Variants in ZNF664 observed in about 807,000 individuals in gnomAD.
ZNF664 encodes the protein zinc finger Organ of Corti 1.
Under a neutral mutation model 18.2 loss-of-function variants are expected in ZNF664, and 10 were observed. The ratio of observed to expected loss-of-function variants is 0.55; its 90% CI spans 0.34 to 0.93. The LOEUF is 0.93. Among genes scored for constraint, ZNF664 ranks in the 40% least tolerant of loss-of-function variants. The pLI, the probability that ZNF664 is intolerant of heterozygous loss-of-function variation, is 0.02. For synonymous variants in ZNF664, 119 were observed against 104.2 expected, an observed-to-expected ratio of 1.14 and a Z score of -0.86; for missense variants, 193 against 319.0, an observed-to-expected ratio of 0.61 and a Z score of 3.01.
intron 2 of ZNF664, 94 bp from the exon 3 acceptor site, chr12:123,987,949 C>T (rs1956843927): frequency 1.6e-6 from 2 of 1,227,492 alleles, no homozygotes; most frequent in South Asian, 8.4e-5. Flanking sequence ...GAGCTGGGAC[C>T]CCACGTTTAT....
intron 2 of ZNF664, 89 bp downstream of exon 2, chr12:123,974,109 TCA>T (rs1397873195): frequency 9.9e-7 from 1 of 1,011,776 alleles, no homozygotes; most frequent in African/African-American, 1.7e-5. Flanking sequence ...TGCAGTTTTC[TCA>T]CTGTCCCCGG....
chr12:124,010,182 G>T (rs1053496553), intron 3 of ZNF664, among the ~76,000 whole-genome samples: 1 of 152,042 alleles, frequency 6.6e-6, no homozygotes, highest in Non-Finnish European at 1.5e-5. Flanking sequence ...CATTTTTGCC[G>T]AAATTTTGGG....
In ZNF664 at chr12:123,999,743, G is replaced by A. The variant is rs114628726; in HGVS notation, c.-661+11605G>A. The stretch of plus-strand genomic sequence containing the variant: ...TAAAAGGAAGAAAGGGCTAGAGTCG[G>A]GCAGTACATGTACCTTGATAGTTTG... On this transcript the variant is annotated intron_variant, in intron 3 of 4. Coordinates refer to ENST00000337815, the MANE Select transcript of ZNF664 (RefSeq NM_152437.3). Among the ~76,000 whole-genome samples the A allele has an allele frequency of 1.9e-3, 287 of 152,292 alleles. 3 individuals are homozygous for A. The highest frequency in any genetic ancestry group is 6.8e-3 in the African/African-American group (281 of 41,562).
chr12:124,008,213 A>G lies in ZNF664; in HGVS notation c.-660-3168A>G, dbSNP rs79383271. ...GTGGCTCACCTTTTGATATTTTGCT[A>G]CTTGCTTCCTAGTAGTTCCTCTGTC... is the stretch of plus-strand genomic sequence containing the variant. On this transcript the variant is annotated intron_variant, in intron 3 of 4. Transcript: ENST00000337815. 3.3e-3 allele frequency among the ~76,000 whole-genome samples: 498 copies of G among 151,800 alleles called. 4 individuals carry two copies. The highest frequency in any genetic ancestry group is 0.011 in the African/African-American group (475 of 41,402).
intron 3 of ZNF664, among the ~76,000 whole-genome samples, chr12:123,994,043 C>T (rs1490276857): frequency 1.3e-5 from 2 of 152,132 alleles, no homozygotes; most frequent in Non-Finnish European, 2.9e-5. Flanking sequence ...TGGGAGAGTT[C>T]TTTCTTGTAG....
In ZNF664 at chr12:123,990,856, T is replaced by A. The variant is rs180749307; in HGVS notation, c.-661+2718T>A. Among the ~76,000 whole-genome samples, 107 of 152,348 alleles carry A rather than the reference T, an allele frequency of 7.0e-4. 1 individual carries two copies. The highest frequency in any genetic ancestry group is 2.3e-3 in the African/African-American group (97 of 41,582). On this transcript the variant is annotated intron_variant, in intron 3 of 4. Transcript: ENST00000337815. ...GTTCTTTCTGTGCGTTGACTCTCTC[T>A]AGGTATCCTAATTGTATCCTGAGGA...
chr12:123,997,124 T>A (rs1231071245), intron 3 of ZNF664, among the ~76,000 whole-genome samples: 1 of 152,220 alleles, frequency 6.6e-6, no homozygotes, highest in Admixed American at 6.5e-5. Context: ...ATCTGCAACT[T>A]CTTTTTTTGG....
intron 3 of ZNF664, among the ~76,000 whole-genome samples, chr12:123,989,795 A>G (rs1037600457): frequency 6.6e-6 from 1 of 152,258 alleles, no homozygotes; most frequent in African/African-American, 2.4e-5. Context: ...CCTGAAGGCC[A>G]GAGTTCTGCA....
rs899589665 is a variant in ZNF664, at chr12:124,001,256, A to G, written c.-660-10125A>G. On this transcript the variant is annotated intron_variant, in intron 3 of 4. Coordinates refer to ENST00000337815, the MANE Select transcript of ZNF664 (RefSeq NM_152437.3). ...ACCCAAATGACTAAGATGATCCCCT[A>G]CCATGTTTACCCCTAAATGCTCTTG... 4.6e-5 allele frequency among the ~76,000 whole-genome samples: 7 copies of G among 152,194 alleles called. 1 individual carries two copies.
At chr12:124,000,303 T>C (rs959769375) in intron 3 of ZNF664, among the ~76,000 whole-genome samples, 2 of 152,138 alleles carry the variant, frequency 1.3e-5, no homozygotes. Flanking sequence ...TGGCCTTGCT[T>C]CCTGCTTCCC....
At chr12:124,005,288 G>A (rs1566206917) in intron 3 of ZNF664, among the ~76,000 whole-genome samples, 3 of 152,114 alleles carry the variant, frequency 2.0e-5, no homozygotes, top group Non-Finnish European at 2.9e-5. Flanking sequence ...CTACTTTTTT[G>A]TTCACACAAG....
At position 124,012,615 on chromosome 12, in the gene ZNF664, C is replaced by A; in HGVS notation, c.471C>A (p.Ser157Arg). 6.2e-7 allele frequency: 1 copy of A among 1,614,108 alleles called. No individual in the cohort carries two copies. Among genetic ancestry groups the A allele is most frequent in the Non-Finnish European group, 8.5e-7 (1 of 1,180,018 alleles). The change falls in exon 5 of 5, where the codon AGC becomes AGA. Residue 157 changes from serine (S) to arginine (R), a missense_variant. Transcript: ENST00000337815. The stretch of plus-strand genomic sequence containing the variant: ...GGAAGGCCTTCAGGCACACCTCCAG[C>A]CTCTGCATGCATCAAAGAGTCCACA... ...ECGKAFRHTS[S>R]LCMHQRVHTG...
chr12:123,987,530 A>G, intron 2 of ZNF664, among the ~76,000 whole-genome samples: 1 of 152,212 alleles, frequency 6.6e-6, no homozygotes, highest in Non-Finnish European at 1.5e-5. Context: ...TGCCTTTATT[A>G]TCTCCATTAA....
intron 2 of ZNF664, among the ~76,000 whole-genome samples, chr12:123,981,710 A>C (rs1213619402): frequency 6.6e-6 from 1 of 152,234 alleles, no homozygotes; most frequent in Non-Finnish European, 1.5e-5. Flanking sequence ...TTTTGGATGT[A>C]CTTGAGTTTG....
chr12:124,008,909 C>T (rs886821026), intron 3 of ZNF664, among the ~76,000 whole-genome samples: 1 of 152,018 alleles, frequency 6.6e-6, no homozygotes, highest in Admixed American at 6.6e-5. Context: ...CCTCCAAGGA[C>T]CCCTTGCCTC....
At chr12:123,974,126 T>C in intron 2 of ZNF664, 106 bp downstream of exon 2, 3 of 825,358 alleles carry the variant, frequency 3.6e-6, no homozygotes, top group Non-Finnish European at 4.9e-6. Flanking sequence ...CCCCGGCTTC[T>C]CATGAACTCC....
chr12:123,979,813 C>CCA (rs61089265), intron 2 of ZNF664, among the ~76,000 whole-genome samples: 2,830 of 149,402 alleles, frequency 0.019, 70 homozygotes, highest in African/African-American at 0.06. Flanking sequence ...GTAGCTGGGA[C>CCA]CACACACACA....
chr12:124,012,292 TGGAGAGACCATACA>T lies in ZNF664; in HGVS notation c.156_169del (p.Asp52GlufsTer4). ...TCATATATCAGAACTTCATATTCATTGGAGAGACCATACAGGAGAGAAGGTCTATAAATGTGATG... is the reference window on the plus strand; with the variant it reads ...TCATATATCAGAACTTCATATTCATTGGAGAGAAGGTCTATAAATGTGATG... On this transcript the variant is annotated frameshift_variant, in exon 5 of 5. Coordinates refer to ENST00000337815, the MANE Select transcript of ZNF664 (RefSeq NM_152437.3). LOFTEE classifies it high-confidence loss of function. 1 of 1,614,220 alleles carries T rather than the reference TGGAGAGACCATACA, an allele frequency of 6.2e-7. No individual in the cohort carries two copies. The highest frequency in any genetic ancestry group is 8.5e-7 in the Non-Finnish European group (1 of 1,180,038).
At chr12:123,984,531 G>T (rs1566196790) in intron 2 of ZNF664, among the ~76,000 whole-genome samples, 1 of 152,030 alleles carries the variant, frequency 6.6e-6, no homozygotes, top group Non-Finnish European at 1.5e-5. Flanking sequence ...TTTCCTTAAG[G>T]TTGGGGGAGA....
Sources: gnomAD v4.1 joint callset for allele counts (sites outside exome capture counted in the v4.1 genomes callset) on GRCh38, gnomAD v4.1.1 for gene constraint, MANE v1.5 for transcripts, NCBI Gene and HGNC (gene_info 2026-07-23, HGNC 2026-07-21) for gene names.